ARHGAP8: variants seen among roughly 807,000 people sequenced by gnomAD.
ARHGAP8 encodes the protein rho GTPase-activating protein 8.
ARHGAP8 carries 62 observed loss-of-function variants against 46.1 expected under a neutral mutation model. That is an observed-to-expected ratio of 1.34 (90% CI 1.10 to 1.66). The LOEUF is 1.66. Ranked by LOEUF, ARHGAP8 falls within the 40% of genes most tolerant of loss-of-function variation. ARHGAP8 has a pLI of 0.00. For missense variants in ARHGAP8, 923 were observed against 568.4 expected (o/e 1.62, Z -6.34); for synonymous variants, 375 against 243.1 (o/e 1.54, Z -5.05).
chr22:44,809,693 C>T (rs933310769), intron 4 of ARHGAP8: 1 of 157,130 alleles, frequency 6.4e-6, no homozygotes, highest in African/African-American at 2.4e-5. Flanking sequence ...GACGTCCGGC[C>T]TAATAATCAA....
chr22:44,839,576 G>A (rs908160452), intron 7 of ARHGAP8, among the ~76,000 whole-genome samples: 2 of 152,206 alleles, frequency 1.3e-5, no homozygotes, highest in African/African-American at 4.8e-5. Flanking sequence ...CCCAGGCCGG[G>A]CTTGCCTCCC....
At chr22:44,821,169 T>A (rs149809731) in intron 5 of ARHGAP8, among the ~76,000 whole-genome samples, 1 of 152,104 alleles carries the variant, frequency 6.6e-6, no homozygotes, top group East Asian at 1.9e-4. Flanking sequence ...CGGTGGCTCA[T>A]GCCTGTAATC....
chr22:44,780,974 CA>C (rs1926802822), intron 1 of ARHGAP8, among the ~76,000 whole-genome samples: 1 of 152,136 alleles, frequency 6.6e-6, no homozygotes, highest in Admixed American at 6.5e-5. Context: ...CGACAAAGGC[CA>C]AGCTGGGAGG....
intron 1 of ARHGAP8, among the ~76,000 whole-genome samples, chr22:44,754,442 G>A (rs1924510200): frequency 6.6e-6 from 1 of 151,572 alleles, no homozygotes; most frequent in Admixed American, 6.6e-5. Flanking sequence ...TGCAACCTCT[G>A]CCTCCTTGGT....
chr22:44,859,473 G>A (rs2147196080), intron 10 of ARHGAP8, among the ~76,000 whole-genome samples: 1 of 152,276 alleles, frequency 6.6e-6, no homozygotes, highest in African/African-American at 2.4e-5. Context: ...CTGGTGCCAT[G>A]CTTGTACAGC....
rs9614581 is a variant in ARHGAP8, at chr22:44,845,080, C to T, written c.597-189C>T. Among the ~76,000 whole-genome samples the T allele has an allele frequency of 2.3e-3, 346 of 152,274 alleles. 1 individual carries two copies. Among genetic ancestry groups the T allele is most frequent in the Non-Finnish European group, 3.6e-3 (243 of 68,030 alleles). ...ATCCCTTTCATGGAGTTCTCAAATACTGCACTATCATTTTATTATTTGGTC... is the reference window on the plus strand; with the variant it reads ...ATCCCTTTCATGGAGTTCTCAAATATTGCACTATCATTTTATTATTTGGTC... On this transcript the variant is annotated intron_variant, in intron 7 of 11. Transcript: ENST00000356099.
chr22:44,802,897 A>G (rs1300682556), intron 3 of ARHGAP8, among the ~76,000 whole-genome samples: 1 of 152,194 alleles, frequency 6.6e-6, no homozygotes, highest in Non-Finnish European at 1.5e-5. Flanking sequence ...TGCACCAGCA[A>G]AGACCCTATT....
At chr22:44,790,545 A>AGG (rs1927586091) in intron 2 of ARHGAP8, among the ~76,000 whole-genome samples, 1 of 151,638 alleles carries the variant, frequency 6.6e-6, no homozygotes, top group Non-Finnish European at 1.5e-5. Flanking sequence ...GTGTGGTGGC[A>AGG]CATATCTGTA....
At chr22:44,861,667 C>T (rs1486513485) in intron 11 of ARHGAP8, among the ~76,000 whole-genome samples, 1 of 152,200 alleles carries the variant, frequency 6.6e-6, no homozygotes, top group African/African-American at 2.4e-5. Context: ...GCCCTGCCCT[C>T]ACGTTGGTCC....
intron 1 of ARHGAP8, among the ~76,000 whole-genome samples, chr22:44,762,707 C>A (rs1318428602): frequency 1.3e-5 from 2 of 151,952 alleles, no homozygotes; most frequent in African/African-American, 4.8e-5. Flanking sequence ...CCCCTCCTGG[C>A]TAATTTTTGT....
intron 1 of ARHGAP8, among the ~76,000 whole-genome samples, chr22:44,777,674 A>ATTGTT (rs908630185): frequency 6.7e-6 from 1 of 149,764 alleles, no homozygotes; most frequent in Non-Finnish European, 1.5e-5. Flanking sequence ...CCCAGTGGTG[A>ATTGTT]TTGTTTTGTT....
intron 7 of ARHGAP8, among the ~76,000 whole-genome samples, chr22:44,841,538 G>A (rs188535122): frequency 5.3e-4 from 80 of 152,230 alleles, no homozygotes; most frequent in Non-Finnish European, 6.5e-4. Flanking sequence ...CTGCGGTACC[G>A]GACTGCGCTC....
chr22:44,857,738 C>T (rs750819406), intron 10 of ARHGAP8, among the ~76,000 whole-genome samples: 38 of 152,258 alleles, frequency 2.5e-4, no homozygotes, highest in South Asian at 1.0e-3. Context: ...AGAGAGTCCT[C>T]GAGGCCCAGC....
intron 11 of ARHGAP8, among the ~76,000 whole-genome samples, chr22:44,861,922 C>G (rs1466277173): frequency 6.6e-6 from 1 of 152,152 alleles, no homozygotes; most frequent in Non-Finnish European, 1.5e-5. Flanking sequence ...ACTCACAGAG[C>G]CGAGGCCAGA....
At chr22:44,817,186 C>T (rs1929815631) in intron 5 of ARHGAP8, among the ~76,000 whole-genome samples, 1 of 152,220 alleles carries the variant, frequency 6.6e-6, no homozygotes, top group Non-Finnish European at 1.5e-5. Context: ...CATGCCCGGC[C>T]TTCTTTTCTT....
At chr22:44,832,141 TTTATG>T (rs1202145705) in intron 7 of ARHGAP8, among the ~76,000 whole-genome samples, 2 of 152,046 alleles carry the variant, frequency 1.3e-5, no homozygotes, top group African/African-American at 4.8e-5. Context: ...TCAGTGGTAT[TTTATG>T]GTTTTCACTG....
chr22:44,804,506 T>C (rs1455328991), intron 3 of ARHGAP8, among the ~76,000 whole-genome samples: 1 of 152,190 alleles, frequency 6.6e-6, no homozygotes, highest in Non-Finnish European at 1.5e-5. Context: ...GGCCAAGCCC[T>C]GGCCGATCTC....
chr22:44,859,897 G>T (rs1329972085), intron 11 of ARHGAP8, 63 bp downstream of exon 11: 61 of 1,563,914 alleles, frequency 3.9e-5, no homozygotes, highest in East Asian at 3.4e-4. Flanking sequence ...TGCTGGGCCC[G>T]CATGGACCAG....
chr22:44,756,554 A>G (rs907384107), intron 1 of ARHGAP8, among the ~76,000 whole-genome samples: 1 of 151,188 alleles, frequency 6.6e-6, no homozygotes, highest in African/African-American at 2.4e-5. Flanking sequence ...CCTGCAGCCA[A>G]CCTGGCCTGT....
Sources: gnomAD v4.1 joint callset for allele counts (sites outside exome capture counted in the v4.1 genomes callset) on GRCh38, gnomAD v4.1.1 for gene constraint, MANE v1.5 for transcripts, NCBI Gene and HGNC (gene_info 2026-07-23, HGNC 2026-07-21) for gene names.